Variants in VSNL1 observed in about 807,000 individuals in gnomAD.
VSNL1 encodes visinin like 1.
A neutral mutation model predicts 20.4 loss-of-function variants in VSNL1; 6 were observed. That is an observed-to-expected ratio of 0.29 (90% CI 0.16 to 0.58). VSNL1 has a LOEUF of 0.58. Ranked by LOEUF, VSNL1 falls within the 20% of genes least tolerant of loss-of-function variation. The pLI is 0.90. For missense variants in VSNL1, 100 were observed against 234.5 expected (o/e 0.43, Z 3.75); for synonymous variants, 93 against 86.4 (o/e 1.08, Z -0.42).
chr2:17,629,919 A>G (rs1001172306), intron 2 of VSNL1, among the ~76,000 whole-genome samples: 1 of 152,192 alleles, frequency 6.6e-6, no homozygotes, highest in African/African-American at 2.4e-5. Context: ...GCTGGGTCCC[A>G]GGCTTTTTAT....
At chr2:17,598,092 AT>A (rs1664749123) in intron 2 of VSNL1, among the ~76,000 whole-genome samples, 1 of 152,128 alleles carries the variant, frequency 6.6e-6, no homozygotes, top group Non-Finnish European at 1.5e-5. Flanking sequence ...AATAAGAAAT[AT>A]TTTTCTAGTT....
At chr2:17,630,668 G>A (rs1233536243) in intron 2 of VSNL1, among the ~76,000 whole-genome samples, 1 of 152,180 alleles carries the variant, frequency 6.6e-6, no homozygotes, top group African/African-American at 2.4e-5. Flanking sequence ...CAATAATTAA[G>A]ATACTATGCC....
At chr2:17,609,163 C>A (rs1486136936) in intron 2 of VSNL1, among the ~76,000 whole-genome samples, 1 of 152,158 alleles carries the variant, frequency 6.6e-6, no homozygotes, top group East Asian at 1.9e-4. Flanking sequence ...CTCAAGGCCT[C>A]GGTCTCTTTC....
chr2:17,636,742 T>A (rs1475827529), intron 2 of VSNL1, among the ~76,000 whole-genome samples: 7 of 152,032 alleles, frequency 4.6e-5, no homozygotes, highest in African/African-American at 1.7e-4. Flanking sequence ...TTTACCTTTG[T>A]AATATGGCTA....
At chr2:17,629,845 C>G (rs1665592689) in intron 2 of VSNL1, among the ~76,000 whole-genome samples, 1 of 152,214 alleles carries the variant, frequency 6.6e-6, no homozygotes, top group South Asian at 2.1e-4. Flanking sequence ...CAGCTCTCAG[C>G]TGAGAGGGGA....
At chr2:17,636,897 T>C (rs1313009068) in intron 2 of VSNL1, among the ~76,000 whole-genome samples, 1 of 152,214 alleles carries the variant, frequency 6.6e-6, no homozygotes, top group Non-Finnish European at 1.5e-5. Flanking sequence ...CCTCTCTTTA[T>C]GACAGAATCA....
intron 2 of VSNL1, among the ~76,000 whole-genome samples, chr2:17,605,120 A>T (rs779538074): frequency 3.5e-4 from 53 of 152,198 alleles, no homozygotes; most frequent in Non-Finnish European, 5.3e-4. Context: ...ATGGCTCTTC[A>T]TATCTACTTT....
upstream of VSNL1, chr2:17,540,284 G>A (rs1171093209): frequency 3.9e-5 from 6 of 152,382 alleles, no homozygotes; most frequent in Non-Finnish European, 8.8e-5. Context: ...GGGTCGGCTA[G>A]GACAGAAAGC....
intron 1 of VSNL1, among the ~76,000 whole-genome samples, chr2:17,576,399 T>G (rs574000707): frequency 6.6e-6 from 1 of 152,232 alleles, no homozygotes; most frequent in Non-Finnish European, 1.5e-5. Flanking sequence ...CTTTTTCCTC[T>G]TGGGTTATTT....
chr2:17,565,820 G>C (rs1299745926), intron 1 of VSNL1, among the ~76,000 whole-genome samples: 1 of 152,198 alleles, frequency 6.6e-6, no homozygotes, highest in East Asian at 1.9e-4. Flanking sequence ...CACGTCATGG[G>C]AGGGACCAGG....
intron 1 of VSNL1, among the ~76,000 whole-genome samples, chr2:17,578,411 A>C (rs1664267779): frequency 6.6e-6 from 1 of 152,254 alleles, no homozygotes; most frequent in South Asian, 2.1e-4. Flanking sequence ...TGGTTTCAAC[A>C]TGGAGGGACA....
rs116114088 is a variant in VSNL1, at chr2:17,575,393, A to G, written c.-5-16677A>G. Among the ~76,000 whole-genome samples the G allele has an allele frequency of 2.1e-3, 315 of 152,324 alleles. 1 individual carries two copies. Among genetic ancestry groups the G allele is most frequent in the African/African-American group, 7.5e-3 (311 of 41,574 alleles). On this transcript the variant is annotated intron_variant, in intron 1 of 3. Transcript: ENST00000295156. ...TCCATAAAATAATTGAAATAACACA[A>G]TAGTGGGAGTTAGGAAACCTGGTTG... is the stretch of plus-strand genomic sequence containing the variant.
chr2:17,574,832 T>A (rs62131542), intron 1 of VSNL1, among the ~76,000 whole-genome samples: 4,357 of 152,280 alleles, frequency 0.029, 72 homozygotes, highest in East Asian at 0.098. Flanking sequence ...AGTGCTGTGA[T>A]CACGGCTCAC....
intron 1 of VSNL1, among the ~76,000 whole-genome samples, chr2:17,560,010 CCTTTT>C (rs953683290): frequency 6.6e-6 from 1 of 151,526 alleles, no homozygotes; most frequent in Non-Finnish European, 1.5e-5. Context: ...AAAAAAGTAG[CCTTTT>C]CTTTTAGCTT....
intron 1 of VSNL1, among the ~76,000 whole-genome samples, chr2:17,550,583 A>T (rs927034490): frequency 1.3e-5 from 2 of 152,228 alleles, no homozygotes; most frequent in Non-Finnish European, 2.9e-5. Flanking sequence ...TGGGGTTAAG[A>T]GAAGCCCATG....
At chr2:17,604,042 C>G (rs1243505853) in intron 2 of VSNL1, among the ~76,000 whole-genome samples, 2 of 152,140 alleles carry the variant, frequency 1.3e-5, no homozygotes, top group Non-Finnish European at 2.9e-5. Flanking sequence ...GAAGATAAAG[C>G]CTTCAAAACT....
intron 2 of VSNL1, among the ~76,000 whole-genome samples, chr2:17,617,711 C>T (rs1172408023): frequency 6.6e-6 from 1 of 152,064 alleles, no homozygotes; most frequent in African/African-American, 2.4e-5. Flanking sequence ...AGGAGCAACA[C>T]TAAGGAGGCA....
At chr2:17,552,089 A>ACTCG (rs965093817) in intron 1 of VSNL1, among the ~76,000 whole-genome samples, 1 of 151,038 alleles carries the variant, frequency 6.6e-6, no homozygotes, top group African/African-American at 2.4e-5. Context: ...AGTCCCAGCT[A>ACTCG]CTCGGGAGGC....
chr2:17,576,054 CT>C (rs1046307680), intron 1 of VSNL1, among the ~76,000 whole-genome samples: 1 of 152,130 alleles, frequency 6.6e-6, no homozygotes, highest in African/African-American at 2.4e-5. Context: ...TAAGCCATTT[CT>C]TTTTCATCTC....
Sources: gnomAD v4.1 joint callset for allele counts (sites outside exome capture counted in the v4.1 genomes callset) on GRCh38, gnomAD v4.1.1 for gene constraint, MANE v1.5 for transcripts, NCBI Gene and HGNC (gene_info 2026-07-23, HGNC 2026-07-21) for gene names.